The following PIGH variants were observed in gnomAD, a reference collection of about 807,000 sequenced individuals.
PIGH encodes the protein phosphatidylinositol glycan anchor biosynthesis class H, also known as phosphatidylinositol N-acetylglucosaminyltransferase subunit H.
In PIGH, 11 loss-of-function variants were observed where a neutral mutation model predicts 20.1. The ratio of observed to expected loss-of-function variants is 0.55; its 90% CI spans 0.34 to 0.91. The LOEUF is 0.91. Ranked by LOEUF, PIGH falls within the 40% of genes least tolerant of loss-of-function variation. The probability of loss-of-function intolerance (pLI) is 0.02; values close to 1 mark genes in which losing one functional copy is unlikely to be tolerated. For missense variants in PIGH, 189 were observed against 233.6 expected, an observed-to-expected ratio of 0.81 and a Z score of 1.24; for synonymous variants, 72 against 93.1, an observed-to-expected ratio of 0.77 and a Z score of 1.31.
At chr14:67,597,262 G>A (rs1484944885) in intron 1 of PIGH, among the ~76,000 whole-genome samples, 1 of 152,240 alleles carries the variant, frequency 6.6e-6, no homozygotes, top group Non-Finnish European at 1.5e-5. Flanking sequence ...GGGATCGCTT[G>A]AGGCCAGGAG....
chr14:67,591,193 T>TA (rs1313756773), intron 3 of PIGH, among the ~76,000 whole-genome samples: 1 of 152,096 alleles, frequency 6.6e-6, no homozygotes, highest in African/African-American at 2.4e-5. Flanking sequence ...TACAAGGAAA[T>TA]ATGAAAAGCC....
chr14:67,598,148 C>T (rs1302978919), intron 1 of PIGH, among the ~76,000 whole-genome samples: 2 of 152,162 alleles, frequency 1.3e-5, no homozygotes, highest in African/African-American at 2.4e-5. Context: ...CAGATTTCTT[C>T]TCATTCCAGA....
At chr14:67,590,381 T>A (rs2036334636) in intron 3 of PIGH, among the ~76,000 whole-genome samples, 1 of 151,408 alleles carries the variant, frequency 6.6e-6, no homozygotes, top group Admixed American at 6.6e-5. Flanking sequence ...GCCTCCCGAG[T>A]AGCTGGGATT....
chr14:67,596,719 C>A (rs1278222968), intron 1 of PIGH, among the ~76,000 whole-genome samples: 3 of 152,172 alleles, frequency 2.0e-5, no homozygotes, highest in Non-Finnish European at 4.4e-5. Flanking sequence ...ATTTGATCAG[C>A]CTGGCATGCC....
At position 67,589,574 on chromosome 14, in the gene PIGH, T is replaced by C; in HGVS notation, c.*506A>G. On this transcript the variant is annotated 3_prime_UTR_variant, in exon 4 of 4. Coordinates refer to ENST00000216452, the MANE Select transcript of PIGH (RefSeq NM_004569.5). Reference sequence around the variant, plus strand: ...GGAAGATCTGTTTATTAACAGTAAATAAATAAGCCCTGTACAGAACACAGG... The same window carrying C: ...GGAAGATCTGTTTATTAACAGTAAACAAATAAGCCCTGTACAGAACACAGG... 6.1e-6 allele frequency: 6 copies of C among 985,412 alleles called. No individual in the cohort carries two copies. Among genetic ancestry groups the C allele is most frequent in the Non-Finnish European group, 7.2e-6 (6 of 829,918 alleles). The allele number at this position is 985,412 out of a possible 1,614,324, so 61.0% of individuals were successfully genotyped here.
chr14:67,593,987 C>T (rs2036424694), intron 1 of PIGH, 35 bp from the exon 2 acceptor site: 14 of 1,420,022 alleles, frequency 9.9e-6, no homozygotes, highest in Non-Finnish European at 1.4e-5. Context: ...AGTAAGATTA[C>T]CAAGTGGTAC....
At chr14:67,593,089 A>G (rs912147096) in intron 2 of PIGH, among the ~76,000 whole-genome samples, 1 of 152,220 alleles carries the variant, frequency 6.6e-6, no homozygotes, top group African/African-American at 2.4e-5. Context: ...ACCTGGCCAC[A>G]TTCTATTTTT....
intron 1 of PIGH, among the ~76,000 whole-genome samples, chr14:67,598,701 C>T: frequency 7.2e-6 from 1 of 139,754 alleles, no homozygotes; most frequent in East Asian, 2.1e-4. Context: ...TTTTAACTGA[C>T]TTATGAACAA....
rs1392242618 is a variant in PIGH at position 67,599,926 on chromosome 14, G to A, written c.180+98C>T. On this transcript the variant is annotated intron_variant, in intron 1 of 3. Transcript: ENST00000216452. The stretch of plus-strand genomic sequence containing the variant: ...CCCTCCTGTCCTATCACTGTAGGAG[G>A]GGCCGACCAGAGGTCCGGGCTCGAC... 6.0e-6 allele frequency: 6 copies of A among 1,002,364 alleles called. No individual in the cohort carries two copies. In the Admixed American group the frequency reaches 1.7e-4, roughly 28 times the overall value. 62.1% of individuals were successfully genotyped at this position (1,002,364 alleles called of 1,614,324 possible).
At position 67,600,255 on chromosome 14, in the gene PIGH, G is replaced by A. The variant is rs764506551; in HGVS notation, c.-52C>T. 8 of 1,439,636 alleles carry A rather than the reference G, an allele frequency of 5.6e-6. No homozygotes were observed. The highest frequency in any genetic ancestry group is 1.4e-5 in the South Asian group (1 of 72,002). The allele number at this position is 1,439,636 out of a possible 1,614,324, so 89.2% of individuals were successfully genotyped here. A position where few individuals can be genotyped will look rare whatever the true frequency, so the allele number is the denominator to read the frequency against. ...GCGCGGCGCTGCACTGCGCTCGCCGGCCCTGGCCGTCTCGCCCGCTCCAGA... is the reference window on the plus strand; with the variant it reads ...GCGCGGCGCTGCACTGCGCTCGCCGACCCTGGCCGTCTCGCCCGCTCCAGA... On this transcript the variant is annotated 5_prime_UTR_variant, in exon 1 of 4. Coordinates refer to ENST00000216452, the MANE Select transcript of PIGH (RefSeq NM_004569.5).
intron 3 of PIGH, 131 bp downstream of exon 3, chr14:67,592,504 A>T (rs1328883577): frequency 1.6e-6 from 1 of 606,304 alleles, no homozygotes; most frequent in African/African-American, 1.9e-5. Context: ...GAACTTCTCA[A>T]ATAACTGAAA....
At position 67,600,242 on chromosome 14, in the gene PIGH, A is replaced by G. The variant is rs370249061; in HGVS notation, c.-39T>C. On this transcript the variant is annotated 5_prime_UTR_variant, in exon 1 of 4. Coordinates refer to ENST00000216452, the MANE Select transcript of PIGH (RefSeq NM_004569.5). ...GGCCGCCCGCACCGCGCGGCGCTGC[A>G]CTGCGCTCGCCGGCCCTGGCCGTCT... 1.7e-5 allele frequency: 26 copies of G among 1,503,446 alleles called. No homozygotes were observed. Among genetic ancestry groups the G allele is most frequent in the Non-Finnish European group, 2.1e-5 (24 of 1,126,350 alleles). The allele number at this position is 1,503,446 out of a possible 1,614,324, so 93.1% of individuals were successfully genotyped here. A position where few individuals can be genotyped will look rare whatever the true frequency, so the allele number is the denominator to read the frequency against.
At chr14:67,596,482 A>C (rs903150540) in intron 1 of PIGH, among the ~76,000 whole-genome samples, 5 of 151,860 alleles carry the variant, frequency 3.3e-5, no homozygotes, top group African/African-American at 1.2e-4. Flanking sequence ...AAAATTATTG[A>C]TGACCTAGAA....
rs368139099 is a variant in PIGH, at chr14:67,589,725, G to A, written c.*355C>T. 5.5e-5 allele frequency: 55 copies of A among 1,008,978 alleles called. No homozygotes were observed. In the East Asian group the frequency reaches 2.9e-3, roughly 54 times the overall value. The allele number at this position is 1,008,978 out of a possible 1,614,324, so 62.5% of individuals were successfully genotyped here. On this transcript the variant is annotated 3_prime_UTR_variant, in exon 4 of 4. Transcript: ENST00000216452. ...AAAATATAGCTTTCTCAAGACATCT[G>A]ATGTCAGTTTCCCATTGTTTTGCTT...
chr14:67,596,543 CTTA>C (rs1195073643), intron 1 of PIGH, among the ~76,000 whole-genome samples: 1 of 152,010 alleles, frequency 6.6e-6, no homozygotes, highest in African/African-American at 2.4e-5. Context: ...CAGGAAGTGT[CTTA>C]TTATTCTTTG....
intron 2 of PIGH, 128 bp from the exon 3 acceptor site, chr14:67,592,846 C>A: frequency 3.3e-6 from 2 of 611,582 alleles, no homozygotes; most frequent in South Asian, 2.0e-5. Context: ...AGTGCAGTGG[C>A]GCAATCTCGG....
chr14:67,593,946 T>C lies in PIGH; in HGVS notation c.187A>G (p.Met63Val), dbSNP rs1415847544. The C allele has an allele frequency of 2.5e-6, 4 of 1,609,280 alleles. No individual in the cohort carries two copies. The highest frequency in any genetic ancestry group is 1.1e-5 in the South Asian group (1 of 90,524). Residue 63 changes from methionine to valine, a missense_variant, in exon 2 of 4, where the codon ATG (methionine) becomes GTG (valine). By Grantham distance (21) the Met-to-Val change is conservative (BLOSUM62 1). Transcript: ENST00000216452. ...ATGAAGATGGCAGCAGAGAGGATCA[T>C]GCTGTTCTGAAGAGAGAGCCAGACA... ...YGLFTLCENS[M>V]ILSAAIFITL...
chr14:67,592,865 A>G, intron 2 of PIGH, 147 bp from the exon 3 acceptor site: 1 of 554,120 alleles, frequency 1.8e-6, no homozygotes, highest in Non-Finnish European at 3.3e-6. Context: ...GGCTCACTGC[A>G]ACCTCTACCT....
Position 67,590,139 on chromosome 14 carries a change from C to T in PIGH, c.508G>A (p.Val170Ile), listed in dbSNP as rs1394764891. The T allele has an allele frequency of 1.9e-6, 3 of 1,551,092 alleles. No individual in the cohort carries two copies. Among genetic ancestry groups the T allele is most frequent in the African/African-American group, 2.7e-5 (2 of 73,008 alleles). Residue 170 changes from valine to isoleucine, a missense_variant, in exon 4 of 4, where the codon GTA becomes ATA. Physicochemically the swap from Val to Ile is conservative, Grantham distance 29 (BLOSUM62 3). Transcript: ENST00000216452. ...AGGATCTCCTGGCAGCTCCTGTATA[C>T]TTCAATCAAGCAGTCCAGCCGGGGC... is the stretch of plus-strand genomic sequence containing the variant. ...AKPRLDCLIE[V>I]YRSCQEILAH... is the part of the protein sequence containing the mutation.
Sources: allele counts gnomAD v4.1 joint callset (sites outside exome capture counted in the v4.1 genomes callset), GRCh38; gene constraint gnomAD v4.1.1; transcripts MANE v1.5; gene names NCBI Gene and HGNC (gene_info 2026-07-23, HGNC 2026-07-21).